Variants in NDUFV3 observed in about 807,000 individuals in gnomAD.
NDUFV3 encodes the protein NADH dehydrogenase [ubiquinone] flavoprotein 3, mitochondrial.
In NDUFV3, 44 loss-of-function variants were observed where a neutral mutation model predicts 37.5. The ratio of observed to expected loss-of-function variants is 1.17; its 90% confidence interval spans 0.92 to 1.51. The LOEUF (loss-of-function observed/expected upper bound fraction) is 1.51. NDUFV3 is among the 40% of genes most tolerant of loss of function. The pLI, the probability that NDUFV3 is intolerant of heterozygous loss-of-function variation, is 0.00. For synonymous variants in NDUFV3, 235 were observed against 239.3 expected, an observed-to-expected ratio of 0.98 and a Z score of 0.17; for missense variants, 580 against 580.4, an observed-to-expected ratio of 1.00 and a Z score of 0.01.
rs141329399 is a variant in NDUFV3 at position 42,903,847 on chromosome 21, A to T, written c.835A>T (p.Lys279Ter). The T allele has an allele frequency of 6.2e-7, 1 of 1,612,900 alleles. No homozygotes were observed. The highest frequency in any genetic ancestry group is 1.3e-5 in the African/African-American group (1 of 74,762). ...QKTFRLNEID[K>*]ESQKPFEVKG... ...AACATTTAGATTAAATGAAATAGAT[A>T]AAGAAAGCCAAAAGCCATTTGAAGT... is the stretch of plus-strand genomic sequence containing the variant. Residue 279 changes from lysine to a stop codon, truncating the protein, a stop_gained, in exon 3 of 4, where the codon AAA becomes TAA. Coordinates refer to ENST00000354250, the MANE Select transcript of NDUFV3 (RefSeq NM_021075.4). LOFTEE classifies it high-confidence loss of function.
chr21:42,912,617 G>A lies in NDUFV3; in HGVS notation c.*3596G>A, dbSNP rs1325139683. 7.2e-5 allele frequency: 11 copies of A among 152,338 alleles called. No individual in the cohort carries two copies. The highest frequency in any genetic ancestry group is 1.3e-4 in the Non-Finnish European group (9 of 68,262). The allele number at this position is 152,338 out of a possible 1,614,324, so 9.4% of individuals were successfully genotyped here. On this transcript the variant is annotated 3_prime_UTR_variant, in exon 4 of 4. Coordinates refer to ENST00000354250, the MANE Select transcript of NDUFV3 (RefSeq NM_021075.4). ...ACTAAAAATACAAAAAATTGGCCAG[G>A]TGCGGTGGCTCACGCCTGTAATCCC...
intron 3 of NDUFV3, among the ~76,000 whole-genome samples, chr21:42,904,554 G>A (rs555512136): frequency 3.4e-5 from 5 of 146,792 alleles, no homozygotes; most frequent in Non-Finnish European, 5.9e-5. Context: ...GCAGTGGCGC[G>A]ATCTCTGCTC....
At position 42,909,108 on chromosome 21, in the gene NDUFV3, C is replaced by G; in HGVS notation, c.*87C>G. Reference sequence around the variant, plus strand: ...AAATCCACTCAAGAGTCACAAGGCCCGCTGTGCATAATCGGTTTCACTTTT... The same window carrying G: ...AAATCCACTCAAGAGTCACAAGGCCGGCTGTGCATAATCGGTTTCACTTTT... On this transcript the variant is annotated 3_prime_UTR_variant, in exon 4 of 4. Coordinates refer to ENST00000354250, the MANE Select transcript of NDUFV3 (RefSeq NM_021075.4). 1 of 1,405,866 alleles carries G rather than the reference C, an allele frequency of 7.1e-7. No homozygotes were observed. The highest frequency in any genetic ancestry group is 1.0e-6 in the Non-Finnish European group (1 of 1,003,440). 87.1% of individuals were successfully genotyped at this position (1,405,866 alleles called of 1,614,324 possible).
intron 3 of NDUFV3, among the ~76,000 whole-genome samples, chr21:42,908,504 C>T (rs1255960918): frequency 6.6e-6 from 1 of 151,630 alleles, no homozygotes; most frequent in Non-Finnish European, 1.5e-5. Context: ...GTGTGTGAGC[C>T]GAGTCATTCA....
At position 42,912,909 on chromosome 21, in the gene NDUFV3, A is replaced by ATT. The variant is rs1398087903; in HGVS notation, c.*3888_*3889insTT. On this transcript the variant is annotated 3_prime_UTR_variant, in exon 4 of 4. Coordinates refer to ENST00000354250, the MANE Select transcript of NDUFV3 (RefSeq NM_021075.4). ...TCCGTCTCAAAAAAAAAAAACAAAA[A>ATT]AAAAATTAGCCGGGCGTGGTGGTGG... The ATT allele has an allele frequency of 6.7e-6, 1 of 149,632 alleles. No individual in the cohort carries two copies. Among genetic ancestry groups the ATT allele is most frequent in the African/African-American group, 2.5e-5 (1 of 40,578 alleles). 9.3% of individuals were successfully genotyped at this position (149,632 alleles called of 1,614,324 possible).
intron 3 of NDUFV3, among the ~76,000 whole-genome samples, chr21:42,905,316 A>G (rs2058736492): frequency 6.6e-6 from 1 of 152,144 alleles, no homozygotes; most frequent in African/African-American, 2.4e-5. Flanking sequence ...GTCTTTGGGT[A>G]AACTAGATGA....
rs1414635267 is a variant in NDUFV3 at position 42,894,519 on chromosome 21, TA to T, written c.48+1139del. Among the ~76,000 whole-genome samples the T allele has an allele frequency of 3.0e-3, 285 of 94,508 alleles. 2 individuals carry two copies. Among genetic ancestry groups the T allele is most frequent in the African/African-American group, 0.013 (263 of 20,942 alleles). 62.0% of individuals were successfully genotyped at this position (94,508 alleles called of 152,430 possible). A position where few individuals can be genotyped will look rare whatever the true frequency, so the allele number is the denominator to read the frequency against. On this transcript the variant is annotated intron_variant, in intron 1 of 3. Transcript: ENST00000354250. Reference sequence around the variant, plus strand: ...TAATATATAATATATATTTATATATTATATATAATATATATCATAATATAAT... The same window carrying T: ...TAATATATAATATATATTTATATATTTATATAATATATATCATAATATAAT...
At chr21:42,904,571 A>C (rs1040765975) in intron 3 of NDUFV3, among the ~76,000 whole-genome samples, 2 of 150,366 alleles carry the variant, frequency 1.3e-5, no homozygotes, top group African/African-American at 4.9e-5. Flanking sequence ...GCTCACTACA[A>C]CTTCCATCTC....
At chr21:42,905,360 A>G (rs954133100) in intron 3 of NDUFV3, among the ~76,000 whole-genome samples, 5 of 152,214 alleles carry the variant, frequency 3.3e-5, no homozygotes, top group African/African-American at 1.2e-4. Flanking sequence ...GGGCAGATTC[A>G]TAGTTCAGGA....
intron 1 of NDUFV3, among the ~76,000 whole-genome samples, chr21:42,895,033 C>G (rs1356639813): frequency 3.3e-5 from 5 of 152,120 alleles, no homozygotes; most frequent in Admixed American, 3.3e-4. Context: ...TTCTTCTACT[C>G]TATTTTCTAA....
chr21:42,906,870 C>T (rs756899671), intron 3 of NDUFV3: 2 of 518,852 alleles, frequency 3.9e-6, no homozygotes, highest in African/African-American at 3.8e-5. Context: ...AGATACTCAC[C>T]TTGTGGAGAT....
chr21:42,903,740 C>T lies in NDUFV3; in HGVS notation c.728C>T (p.Ala243Val), dbSNP rs781404049. 3.0e-5 allele frequency: 48 copies of T among 1,613,916 alleles called. No homozygotes were observed. Among genetic ancestry groups the T allele is most frequent in the Non-Finnish European group, 3.5e-5 (41 of 1,180,024 alleles). Residue 243 changes from alanine to valine, a missense_variant, in exon 3 of 4, where the codon GCG becomes GTG. By Grantham distance (64) the Ala-to-Val change is moderately conservative. Coordinates refer to ENST00000354250, the MANE Select transcript of NDUFV3 (RefSeq NM_021075.4). ...PAKPSEGREN[A>V]RPKTTMPRSQ... ...AAGCCATCAGAAGGCAGGGAAAATG[C>T]GAGACCAAAAACCACAATGCCCAGA...
At chr21:42,900,653 T>C (rs2058714396) in intron 2 of NDUFV3, among the ~76,000 whole-genome samples, 1 of 152,220 alleles carries the variant, frequency 6.6e-6, no homozygotes, top group South Asian at 2.1e-4. Context: ...CATTGCCAGA[T>C]CAAACCTTTC....
intron 3 of NDUFV3, among the ~76,000 whole-genome samples, chr21:42,907,390 C>T (rs1252319201): frequency 6.6e-6 from 1 of 151,998 alleles, no homozygotes; most frequent in Non-Finnish European, 1.5e-5. Flanking sequence ...TCAAGCAATC[C>T]TCCCACCTCA....
chr21:42,906,064 A>G (rs946785546), intron 3 of NDUFV3, among the ~76,000 whole-genome samples: 1 of 150,652 alleles, frequency 6.6e-6, no homozygotes, highest in African/African-American at 2.4e-5. Context: ...GCGTTTTGCC[A>G]TGTTGGTCAG....
At position 42,910,725 on chromosome 21, in the gene NDUFV3, C is replaced by T. The variant is rs566479352; in HGVS notation, c.*1704C>T. 2.5e-4 allele frequency: 38 copies of T among 154,088 alleles called. No homozygotes were observed. The highest frequency in any genetic ancestry group is 8.0e-4 in the African/African-American group (33 of 41,354). The allele number at this position is 154,088 out of a possible 1,614,324, so 9.5% of individuals were successfully genotyped here. A position where few individuals can be genotyped will look rare whatever the true frequency, so the allele number is the denominator to read the frequency against. ...GAGTAGGAAGAGGTGAAGTTTTGTG[C>T]GGTGCAGGGACGAAGTTGCTCCCCG... On this transcript the variant is annotated 3_prime_UTR_variant, in exon 4 of 4. Coordinates refer to ENST00000354250, the MANE Select transcript of NDUFV3 (RefSeq NM_021075.4).
chr21:42,910,888 A>T lies in NDUFV3; in HGVS notation c.*1867A>T, dbSNP rs2058767835. The T allele has an allele frequency of 6.5e-6, 1 of 152,926 alleles. No individual in the cohort carries two copies. The highest frequency in any genetic ancestry group is 1.5e-5 in the Non-Finnish European group (1 of 68,464). The allele number at this position is 152,926 out of a possible 1,614,324, so 9.5% of individuals were successfully genotyped here. A position where few individuals can be genotyped will look rare whatever the true frequency, so the allele number is the denominator to read the frequency against. The stretch of plus-strand genomic sequence containing the variant: ...TGGGGGGCTCCTGTGCATCACATGG[A>T]GCACGCTCCCCCAGCACTCTGCAGA... On this transcript the variant is annotated 3_prime_UTR_variant, in exon 4 of 4. Transcript: ENST00000354250.
Position 42,904,091 on chromosome 21 carries a change from TAGA to T in NDUFV3, c.1082_1084del (p.Glu361del). On this transcript the variant is annotated inframe_deletion, in exon 3 of 4. Transcript: ENST00000354250. ...AAGGAAACCTCAGGGACGCAGGGAATAGAAGGCCACCTGAAGGGTGGACAGGCA... is the reference window on the plus strand; with the variant it reads ...AAGGAAACCTCAGGGACGCAGGGAATAGGCCACCTGAAGGGTGGACAGGCA... The T allele has an allele frequency of 6.2e-7, 1 of 1,614,160 alleles. No homozygotes were observed. Among genetic ancestry groups the T allele is most frequent in the Non-Finnish European group, 8.5e-7 (1 of 1,180,016 alleles).
intron 2 of NDUFV3, among the ~76,000 whole-genome samples, chr21:42,897,972 A>G (rs7283811): frequency 0.99 from 151,154 of 152,340 alleles, 75,019 homozygotes; most frequent in Non-Finnish European, 1. Context: ...CACCGTGCCC[A>G]GTCCTAAATC....
Sources: allele counts gnomAD v4.1 joint callset (sites outside exome capture counted in the v4.1 genomes callset), GRCh38; gene constraint gnomAD v4.1.1; transcripts MANE v1.5; gene names NCBI Gene and HGNC (gene_info 2026-07-23, HGNC 2026-07-21).